Variants in CUTC observed in about 807,000 individuals in gnomAD.
CUTC encodes copper homeostasis protein cutC homolog.
Under a neutral mutation model 36.2 loss-of-function variants are expected in CUTC, and 27 were observed. The observed-to-expected ratio is 0.75, with a 90% CI of 0.55 to 1.03. The LOEUF (loss-of-function observed/expected upper bound fraction) is 1.03, where lower values mean the gene tolerates loss of function less well. Among genes scored for constraint, CUTC ranks in the 50% least tolerant of loss-of-function variants. The pLI, the probability that CUTC is intolerant of heterozygous loss-of-function variation, is 0.00. For synonymous variants in CUTC, 114 were observed against 118.3 expected, an observed-to-expected ratio of 0.96 and a Z score of 0.24; for missense variants, 315 against 343.5, an observed-to-expected ratio of 0.92 and a Z score of 0.66.
At chr10:99,733,169 C>G (rs1324984414) in intron 1 of CUTC, among the ~76,000 whole-genome samples, 1 of 152,000 alleles carries the variant, frequency 6.6e-6, no homozygotes, top group East Asian at 1.9e-4. Context: ...ATTAGCTGGG[C>G]ATGGTGGCAG....
chr10:99,755,811 A>C lies in CUTC; in HGVS notation c.*72A>C, dbSNP rs1481080748. On this transcript the variant is annotated 3_prime_UTR_variant, in exon 9 of 9. Coordinates refer to ENST00000370476, the MANE Select transcript of CUTC (RefSeq NM_015960.3). Reference sequence around the variant, plus strand: ...TATAATCTGCAATTCTCTATGACACAGCTTTAACCTTCTTCTCTGGCCAGG... The same window carrying C: ...TATAATCTGCAATTCTCTATGACACCGCTTTAACCTTCTTCTCTGGCCAGG... 3.1e-6 allele frequency: 3 copies of C among 968,942 alleles called. No individual in the cohort carries two copies. The highest frequency in any genetic ancestry group is 4.2e-4 in the Middle Eastern group (2 of 4,752). 60.0% of individuals were successfully genotyped at this position (968,942 alleles called of 1,614,324 possible). A position where few individuals can be genotyped will look rare whatever the true frequency, so the allele number is the denominator to read the frequency against.
In CUTC at chr10:99,754,509, T is replaced by G. The variant is rs1324022610; in HGVS notation, c.602-20T>G. 1.2e-5 allele frequency: 17 copies of G among 1,460,266 alleles called. No individual in the cohort carries two copies. The highest frequency in any genetic ancestry group is 1.6e-5 in the Non-Finnish European group (17 of 1,045,890). 90.5% of individuals were successfully genotyped at this position (1,460,266 alleles called of 1,614,324 possible). A position where few individuals can be genotyped will look rare whatever the true frequency, so the allele number is the denominator to read the frequency against. ...GCAAAATTCTATTTTACTTAATGTG[T>G]TACTTATTCTTTGCAACAGGAGGTG... On this transcript the variant is annotated intron_variant, in intron 7 of 8. Coordinates refer to ENST00000370476, the MANE Select transcript of CUTC (RefSeq NM_015960.3).
chr10:99,733,825 A>G (rs550092627), intron 1 of CUTC, among the ~76,000 whole-genome samples: 3 of 152,258 alleles, frequency 2.0e-5, no homozygotes, highest in Non-Finnish European at 2.9e-5. Flanking sequence ...GTTGCTTGGG[A>G]CAACTGCCTT....
At chr10:99,736,408 T>C in intron 2 of CUTC, 91 bp downstream of exon 2, 1 of 905,900 alleles carries the variant, frequency 1.1e-6, no homozygotes, top group Non-Finnish European at 1.8e-6. Context: ...GCCCTTGTGA[T>C]CTCTAAGCAT....
intron 1 of CUTC, among the ~76,000 whole-genome samples, chr10:99,734,473 A>G (rs1475019428): frequency 6.6e-6 from 1 of 152,222 alleles, no homozygotes; most frequent in African/African-American, 2.4e-5. Flanking sequence ...TTTAAATTAT[A>G]AAAGCAATAT....
chr10:99,734,285 G>A (rs1703582833), intron 1 of CUTC, among the ~76,000 whole-genome samples: 1 of 152,094 alleles, frequency 6.6e-6, no homozygotes, highest in Admixed American at 6.5e-5. Flanking sequence ...GGCCAGGCTG[G>A]TCTCAAAATC....
At chr10:99,735,124 A>C (rs1167708803) in intron 1 of CUTC, among the ~76,000 whole-genome samples, 1 of 150,028 alleles carries the variant, frequency 6.7e-6, no homozygotes, top group Non-Finnish European at 1.5e-5. Flanking sequence ...AAAAAAAAAA[A>C]AACAAACTTA....
At chr10:99,746,962 C>T (rs1479845569) in intron 5 of CUTC, among the ~76,000 whole-genome samples, 1 of 152,020 alleles carries the variant, frequency 6.6e-6, no homozygotes, top group Non-Finnish European at 1.5e-5. Flanking sequence ...GATATGGGGT[C>T]TTGCCACATT....
intron 5 of CUTC, among the ~76,000 whole-genome samples, chr10:99,745,647 A>G (rs571294911): frequency 1.3e-5 from 2 of 152,318 alleles, no homozygotes; most frequent in African/African-American, 4.8e-5. Context: ...TCACAAGGTT[A>G]GGAGATTGAG....
At chr10:99,749,055 C>G (rs1362819900) in intron 6 of CUTC, among the ~76,000 whole-genome samples, 1 of 152,080 alleles carries the variant, frequency 6.6e-6, no homozygotes, top group South Asian at 2.1e-4. Flanking sequence ...TAAGATATAA[C>G]CGCCATAGTA....
chr10:99,732,271 G>A lies in CUTC; in HGVS notation c.-78G>A. ...CGCACGGGCGCGCGCAGCTGTTGAC[G>A]CGCTTCTTAGCTGGTGCGCGCCGGA... On this transcript the variant is annotated 5_prime_UTR_variant, in exon 1 of 9. Coordinates refer to ENST00000370476, the MANE Select transcript of CUTC (RefSeq NM_015960.3). The A allele has an allele frequency of 6.5e-7, 1 of 1,538,358 alleles. No homozygotes were observed. The highest frequency in any genetic ancestry group is 8.8e-7 in the Non-Finnish European group (1 of 1,140,794).
Position 99,755,953 on chromosome 10 carries a change from A to G in CUTC, c.*214A>G, listed in dbSNP as rs544017879. On this transcript the variant is annotated 3_prime_UTR_variant, in exon 9 of 9. Coordinates refer to ENST00000370476, the MANE Select transcript of CUTC (RefSeq NM_015960.3). ...TTGCTTAGTCTTACCAGTGATTGTC[A>G]TCATGGTTAAAGCTGGTCTGTGCTT... The G allele has an allele frequency of 8.3e-4, 404 of 488,462 alleles. 9 individuals are homozygous for G. In the South Asian group the frequency reaches 0.013, roughly 16 times the overall value. The allele number at this position is 488,462 out of a possible 1,614,324, so 30.3% of individuals were successfully genotyped here.
chr10:99,750,463 A>G, intron 7 of CUTC, 67 bp downstream of exon 7: 1 of 1,271,296 alleles, frequency 7.9e-7, no homozygotes, highest in South Asian at 1.4e-5. Context: ...CAAAGGAGGC[A>G]GGAAAATGTG....
At chr10:99,751,639 C>T (rs1007095357) in intron 7 of CUTC, among the ~76,000 whole-genome samples, 1 of 152,210 alleles carries the variant, frequency 6.6e-6, no homozygotes, top group African/African-American at 2.4e-5. Context: ...AGCCAGATCA[C>T]CTGAGGTCAA....
chr10:99,740,222 T>C (rs371031340), intron 3 of CUTC, among the ~76,000 whole-genome samples: 109 of 152,302 alleles, frequency 7.2e-4, no homozygotes, highest in African/African-American at 2.6e-3. Context: ...TTTACCCACA[T>C]GCAACTACCA....
chr10:99,735,142 T>C, intron 1 of CUTC, among the ~76,000 whole-genome samples: 1 of 141,756 alleles, frequency 7.1e-6, no homozygotes, highest in Admixed American at 7.2e-5. Flanking sequence ...TTAGGAACTC[T>C]AAGTCAAGTA....
chr10:99,750,505 C>A, intron 7 of CUTC, 109 bp downstream of exon 7: 2 of 674,202 alleles, frequency 3.0e-6, no homozygotes, highest in South Asian at 2.6e-5. Flanking sequence ...CATATTAGTA[C>A]ATGATCTTTA....
chr10:99,752,283 G>C (rs978524098), intron 7 of CUTC, among the ~76,000 whole-genome samples: 5 of 152,034 alleles, frequency 3.3e-5, no homozygotes, highest in African/African-American at 1.2e-4. Flanking sequence ...TCTAGAGGCT[G>C]AGGTGGGAGG....
At chr10:99,751,345 T>G (rs2037415939) in intron 7 of CUTC, among the ~76,000 whole-genome samples, 1 of 152,122 alleles carries the variant, frequency 6.6e-6, no homozygotes, top group African/African-American at 2.4e-5. Flanking sequence ...ATTACATTTT[T>G]GGTTATCTTT....
Sources: allele counts gnomAD v4.1 joint callset (sites outside exome capture counted in the v4.1 genomes callset), GRCh38; gene constraint gnomAD v4.1.1; transcripts MANE v1.5; gene names NCBI Gene and HGNC (gene_info 2026-07-23, HGNC 2026-07-21).